Variants in ANKFN1 observed in about 807,000 individuals in gnomAD.
ANKFN1 encodes ankyrin repeat and fibronectin type III domain containing 1, also known as ankyrin repeat and fibronectin type-III domain-containing protein 1.
Under a neutral mutation model 108.7 loss-of-function variants are expected in ANKFN1, and 74 were observed. The ratio of observed to expected loss-of-function variants is 0.68; its 90% CI spans 0.56 to 0.83. ANKFN1 has a LOEUF of 0.83. Ranked by LOEUF, ANKFN1 falls within the 40% of genes least tolerant of loss-of-function variation. The pLI, the probability that ANKFN1 is intolerant of heterozygous loss-of-function variation, is 0.00. For missense variants in ANKFN1, 1,505 were observed against 1,382.3 expected (o/e 1.09, Z -1.41); for synonymous variants, 547 against 516.2 (o/e 1.06, Z -0.81).
In ANKFN1 at chr17:56,513,287, A is replaced by G. The variant is rs2051827525; in HGVS notation, c.*2018A>G. 6.6e-6 allele frequency among the ~76,000 whole-genome samples: 1 copy of G among 152,236 alleles called. No individual in the cohort carries two copies. The highest frequency in any genetic ancestry group is 1.5e-5 in the Non-Finnish European group (1 of 68,048). On this transcript the variant is annotated 3_prime_UTR_variant, in exon 21 of 21. Transcript: ENST00000682825. ...TTTCAAATTCAACCTTTACCTAACA[A>G]GTTTCCAATATTACAGAGCTGCTTG...
At chr17:56,154,832 A>G (rs1285414549) in intron 1 of ANKFN1, among the ~76,000 whole-genome samples, 1 of 152,084 alleles carries the variant, frequency 6.6e-6, no homozygotes, top group Non-Finnish European at 1.5e-5. Context: ...TATGATTACC[A>G]TTTGTTCCAT....
intron 3 of ANKFN1, among the ~76,000 whole-genome samples, chr17:56,254,588 C>T (rs2144080181): frequency 6.6e-6 from 1 of 152,316 alleles, no homozygotes; most frequent in Non-Finnish European, 1.5e-5. Flanking sequence ...TGCTGATTCT[C>T]TGAAAGAAAC....
At chr17:56,337,623 C>A (rs1598425069) in intron 4 of ANKFN1, among the ~76,000 whole-genome samples, 1 of 152,096 alleles carries the variant, frequency 6.6e-6, no homozygotes, top group East Asian at 1.9e-4. Context: ...AAAAAGCAAC[C>A]CCATCAAAAA....
chr17:56,394,881 T>G (rs1407659483), intron 8 of ANKFN1, among the ~76,000 whole-genome samples: 5 of 152,204 alleles, frequency 3.3e-5, no homozygotes, highest in African/African-American at 1.2e-4. Context: ...GCGACTGCTT[T>G]CTAGAATTTC....
intron 4 of ANKFN1, among the ~76,000 whole-genome samples, chr17:56,347,218 ATTAT>A (rs1403973020): frequency 6.6e-6 from 1 of 152,058 alleles, no homozygotes; most frequent in East Asian, 1.9e-4. Flanking sequence ...GTTTCAAGAC[ATTAT>A]TTAAGACAAG....
intron 8 of ANKFN1, among the ~76,000 whole-genome samples, chr17:56,412,998 T>C (rs2048140068): frequency 1.3e-5 from 2 of 152,344 alleles, no homozygotes; most frequent in South Asian, 2.1e-4. Context: ...ATCTTTTCTA[T>C]TGTTTCTATA....
chr17:56,087,353 T>C (rs1905335464), intron 4 of ANKFN1, among the ~76,000 whole-genome samples: 1 of 151,442 alleles, frequency 6.6e-6, no homozygotes, highest in African/African-American at 2.4e-5. Flanking sequence ...ACAGTGACCA[T>C]GATGCCTCAC....
intron 3 of ANKFN1, among the ~76,000 whole-genome samples, chr17:56,258,711 C>T (rs1451511730): frequency 1.3e-5 from 2 of 152,068 alleles, no homozygotes. Flanking sequence ...GAGATCGAGA[C>T]CATCCTGGCT....
chr17:56,063,298 C>T (rs1273165629), intron 4 of ANKFN1, among the ~76,000 whole-genome samples: 1 of 152,056 alleles, frequency 6.6e-6, no homozygotes, highest in Admixed American at 6.5e-5. Context: ...ATTGGCCTGT[C>T]TTGTTAGATT....
At chr17:56,249,011 C>T (rs952490817) in intron 3 of ANKFN1, among the ~76,000 whole-genome samples, 1 of 152,168 alleles carries the variant, frequency 6.6e-6, no homozygotes, top group African/African-American at 2.4e-5. Flanking sequence ...CATGTGGAAA[C>T]AGCTTAGAAT....
chr17:56,170,373 A>G (rs1309897516), intron 1 of ANKFN1, among the ~76,000 whole-genome samples: 1 of 152,174 alleles, frequency 6.6e-6, no homozygotes, highest in Non-Finnish European at 1.5e-5. Flanking sequence ...AGAGGGAGCG[A>G]CAGAGTCTGC....
intron 4 of ANKFN1, among the ~76,000 whole-genome samples, chr17:56,138,229 T>C (rs959063478): frequency 6.6e-6 from 1 of 152,198 alleles, no homozygotes; most frequent in Non-Finnish European, 1.5e-5. Context: ...GGGCAACTCA[T>C]GAACCCTATT....
chr17:56,516,052 C>T lies in ANKFN1; in HGVS notation c.*4783C>T, dbSNP rs77909503. ...CTATTAGTTAAGGCTCTTTGCTCCTCTTCCTGCAGTCCATGCCATGAAAGT... is the reference window on the plus strand; with the variant it reads ...CTATTAGTTAAGGCTCTTTGCTCCTTTTCCTGCAGTCCATGCCATGAAAGT... On this transcript the variant is annotated 3_prime_UTR_variant, in exon 21 of 21. Transcript: ENST00000682825. 5.2e-4 allele frequency among the ~76,000 whole-genome samples: 79 copies of T among 152,274 alleles called. No homozygotes were observed. Among genetic ancestry groups the T allele is most frequent in the African/African-American group, 1.8e-3 (76 of 41,542 alleles).
At chr17:56,163,547 T>C (rs1028419294) in intron 1 of ANKFN1, among the ~76,000 whole-genome samples, 1 of 152,246 alleles carries the variant, frequency 6.6e-6, no homozygotes, top group Admixed American at 6.5e-5. Context: ...CCATGCCGAC[T>C]TTCATACTTC....
intron 13 of ANKFN1, 39 bp from the exon 14 acceptor site, chr17:56,457,824 G>A: frequency 1.3e-6 from 2 of 1,488,312 alleles, no homozygotes; most frequent in Non-Finnish European, 1.9e-6. Flanking sequence ...ATCATGTACT[G>A]GCTTGGACGA....
chr17:56,233,212 A>G (rs1479057978), intron 3 of ANKFN1, among the ~76,000 whole-genome samples: 1 of 152,070 alleles, frequency 6.6e-6, no homozygotes, highest in African/African-American at 2.4e-5. Flanking sequence ...CCCAATCCTA[A>G]GAGAAACAAA....
intron 9 of ANKFN1, among the ~76,000 whole-genome samples, chr17:56,442,368 T>C (rs975760396): frequency 6.6e-6 from 1 of 152,214 alleles, no homozygotes; most frequent in Non-Finnish European, 1.5e-5. Flanking sequence ...TTTAATGCAC[T>C]ACTCTGAAAA....
chr17:56,512,289 C>T lies in ANKFN1; in HGVS notation c.*1020C>T, dbSNP rs985220260. 6.6e-6 allele frequency among the ~76,000 whole-genome samples: 1 copy of T among 152,154 alleles called. No homozygotes were observed. The highest frequency in any genetic ancestry group is 1.5e-5 in the Non-Finnish European group (1 of 68,030). ...AGTCAGCAATGGGCTCCTCACAACC[C>T]CACAGGCTTATCCACTCACCCTACA... On this transcript the variant is annotated 3_prime_UTR_variant, in exon 21 of 21. Coordinates refer to ENST00000682825, the MANE Select transcript of ANKFN1 (RefSeq NM_001370326.1).
At chr17:56,295,610 T>TGG (rs2044487295) in intron 3 of ANKFN1, among the ~76,000 whole-genome samples, 1 of 151,232 alleles carries the variant, frequency 6.6e-6, no homozygotes, top group African/African-American at 2.5e-5. Flanking sequence ...AAGCCGTGTG[T>TGG]GGGCGGTGTG....
Sources: gnomAD v4.1 joint callset for allele counts (sites outside exome capture counted in the v4.1 genomes callset) on GRCh38, gnomAD v4.1.1 for gene constraint, MANE v1.5 for transcripts, NCBI Gene and HGNC (gene_info 2026-07-23, HGNC 2026-07-21) for gene names.